DPCD: variants seen among roughly 807,000 people sequenced by gnomAD.
DPCD encodes the protein deleted in primary ciliary dyskinesia homolog (mouse), also known as protein DPCD.
In DPCD, 20 loss-of-function variants were observed where a neutral mutation model predicts 26.4. The ratio of observed to expected loss-of-function variants is 0.76; its 90% CI spans 0.53 to 1.10. The LOEUF (loss-of-function observed/expected upper bound fraction) is 1.10. DPCD is among the 50% of genes least tolerant of loss of function. The pLI, the probability that DPCD is intolerant of heterozygous loss-of-function variation, is 0.00. For synonymous variants in DPCD, 97 were observed against 94.2 expected (o/e 1.03, Z -0.17); for missense variants, 202 against 253.9 (o/e 0.80, Z 1.39).
chr10:101,592,073 A>T (rs1161207961), intron 1 of DPCD, among the ~76,000 whole-genome samples: 1 of 151,732 alleles, frequency 6.6e-6, no homozygotes, highest in Non-Finnish European at 1.5e-5. Context: ...ATACTAATAT[A>T]CTTAATAATT....
chr10:101,606,485 CT>C (rs1394444378), intron 4 of DPCD, among the ~76,000 whole-genome samples: 1 of 151,860 alleles, frequency 6.6e-6, no homozygotes, highest in East Asian at 1.9e-4. Context: ...TCATCCTTTT[CT>C]TTTAATTTTT....
chr10:101,594,785 G>T, intron 2 of DPCD, 47 bp downstream of exon 2: 2 of 1,569,186 alleles, frequency 1.3e-6, no homozygotes, highest in South Asian at 1.1e-5. Flanking sequence ...ACTTGGGGCT[G>T]ACATAAGCAC....
chr10:101,588,772 C>T (rs1156933938), intron 1 of DPCD: 1 of 764,516 alleles, frequency 1.3e-6, no homozygotes, highest in Non-Finnish European at 1.6e-6. Flanking sequence ...AGGAGAGAGG[C>T]CTGGGCTCTA....
chr10:101,590,167 A>G (rs1239547863), intron 1 of DPCD, among the ~76,000 whole-genome samples: 2 of 152,278 alleles, frequency 1.3e-5, no homozygotes, highest in African/African-American at 4.8e-5. Context: ...TGAAGGTGTG[A>G]AGGTACGTGC....
At position 101,600,995 on chromosome 10, in the gene DPCD, TA is replaced by T; in HGVS notation, c.270+136del. Reference sequence around the variant, plus strand: ...TGTGCCACCTGGACACAGCACTCTATAAATGTTTGTTTGAATGAATACAGAC... The same window carrying T: ...TGTGCCACCTGGACACAGCACTCTATAATGTTTGTTTGAATGAATACAGAC... On this transcript the variant is annotated intron_variant, in intron 3 of 5. Transcript: ENST00000370151. The surrounding 1 kb of genome is among the most constrained non-coding windows in gnomAD (Gnocchi z 4.7). 1 of 1,496,186 alleles carries T rather than the reference TA, an allele frequency of 6.7e-7. No homozygotes were observed. The highest frequency in any genetic ancestry group is 9.0e-7 in the Non-Finnish European group (1 of 1,113,596). The allele number at this position is 1,496,186 out of a possible 1,614,324, so 92.7% of individuals were successfully genotyped here.
Position 101,609,571 on chromosome 10 carries a change from C to T in DPCD, c.*100C>T. ...CAGCCTCCTGTCTTCTAGGAGCTAT[C>T]AAGGGTCTCTAAGAACTGGGCATGG... On this transcript the variant is annotated 3_prime_UTR_variant, in exon 6 of 6. Coordinates refer to ENST00000370151, the MANE Select transcript of DPCD (RefSeq NM_015448.3). The T allele has an allele frequency of 9.7e-7, 1 of 1,034,776 alleles. No homozygotes were observed. The allele number at this position is 1,034,776 out of a possible 1,614,324, so 64.1% of individuals were successfully genotyped here.
chr10:101,588,591 C>G, intron 1 of DPCD, 191 bp downstream of exon 1: 8 of 1,420,742 alleles, frequency 5.6e-6, no homozygotes, highest in Non-Finnish European at 7.3e-6. Context: ...CTCCGGACAC[C>G]CCTTAGATTC....
intron 5 of DPCD, 147 bp downstream of exon 5, chr10:101,609,084 G>C: frequency 1.4e-6 from 1 of 726,736 alleles, no homozygotes; most frequent in Non-Finnish European, 2.3e-6. Flanking sequence ...ATTCAGCATG[G>C]GGGAGAGCAG....
chr10:101,608,961 G>T, intron 5 of DPCD, 24 bp downstream of exon 5: 1 of 1,568,068 alleles, frequency 6.4e-7, no homozygotes, highest in South Asian at 1.1e-5. Flanking sequence ...AGACTTCTTG[G>T]ACACTGCATC....
intron 2 of DPCD, among the ~76,000 whole-genome samples, chr10:101,599,387 A>G (rs1009194956): frequency 6.6e-6 from 1 of 152,158 alleles, no homozygotes; most frequent in African/African-American, 2.4e-5. Flanking sequence ...TGGGGGAAAA[A>G]AGTTGCCTAT....
intron 4 of DPCD, among the ~76,000 whole-genome samples, chr10:101,606,100 T>C (rs2063731337): frequency 6.6e-6 from 1 of 152,214 alleles, no homozygotes. Context: ...GCCAGGGAAC[T>C]ATCCTGCTGT....
intron 2 of DPCD, among the ~76,000 whole-genome samples, chr10:101,596,121 T>A (rs1290117369): frequency 6.6e-6 from 1 of 152,244 alleles, no homozygotes; most frequent in Non-Finnish European, 1.5e-5. Context: ...AAGTCCAGGT[T>A]TCTTCATTTG....
intron 1 of DPCD, among the ~76,000 whole-genome samples, chr10:101,589,929 G>A (rs1420027486): frequency 2.0e-5 from 3 of 152,072 alleles, no homozygotes; most frequent in Non-Finnish European, 2.9e-5. Flanking sequence ...GCACATGCCT[G>A]TAGTCCCAGC....
chr10:101,588,512 C>A, intron 1 of DPCD, 112 bp downstream of exon 1: 1 of 1,499,276 alleles, frequency 6.7e-7, no homozygotes, highest in Admixed American at 2.3e-5. Context: ...GGCGGTCAGC[C>A]GGGCCAGGTC....
At chr10:101,601,827 TA>T (rs1235671203) in intron 4 of DPCD, among the ~76,000 whole-genome samples, 1 of 152,098 alleles carries the variant, frequency 6.6e-6, no homozygotes, top group East Asian at 1.9e-4. Flanking sequence ...TGGGCAGCAG[TA>T]AACCTAATCC....
At chr10:101,598,606 G>A (rs1589724690) in intron 2 of DPCD, among the ~76,000 whole-genome samples, 1 of 119,072 alleles carries the variant, frequency 8.4e-6, no homozygotes, top group African/African-American at 2.9e-5. Context: ...TTGGGTAGAT[G>A]CTTTCTTTTT....
chr10:101,604,397 C>G (rs1274325116), intron 4 of DPCD, among the ~76,000 whole-genome samples: 2 of 152,100 alleles, frequency 1.3e-5, no homozygotes, highest in Non-Finnish European at 2.9e-5. Flanking sequence ...CATAACCTGC[C>G]CCAGTTCTAA....
At position 101,600,530 on chromosome 10, in the gene DPCD, A is replaced by G. The variant is rs576911865; in HGVS notation, c.146-208A>G. On this transcript the variant is annotated intron_variant, in intron 2 of 5. Transcript: ENST00000370151. This position sits in a 1 kb window ranked among gnomAD's most constrained non-coding sequence, Gnocchi z 4.7. ...ATGAGATGCGCTTTGAGGGTTGTCT[A>G]ATGTTGAAATGCTCTACTGAAATTT... Among the ~76,000 whole-genome samples, 3 of 152,220 alleles carry G rather than the reference A, an allele frequency of 2.0e-5. No individual in the cohort carries two copies. Among genetic ancestry groups the G allele is most frequent in the Admixed American group, 6.5e-5 (1 of 15,290 alleles).
At chr10:101,604,769 A>T (rs1258968847) in intron 4 of DPCD, among the ~76,000 whole-genome samples, 1 of 152,198 alleles carries the variant, frequency 6.6e-6, no homozygotes, top group Non-Finnish European at 1.5e-5. Context: ...CTATCAGAGA[A>T]GACTCACAGC....
Sources: gnomAD v4.1 joint callset for allele counts (sites outside exome capture counted in the v4.1 genomes callset) on GRCh38, gnomAD v4.1.1 for gene constraint, Gnocchi (gnomAD v3.1) non-coding constraint, MANE v1.5 for transcripts, NCBI Gene and HGNC (gene_info 2026-07-23, HGNC 2026-07-21) for gene names.